Variants in PALS1 observed in about 807,000 individuals in gnomAD.
The protein encoded by PALS1 is protein associated with LIN7 1, MAGUK p55 family member.
In PALS1, 31 loss-of-function variants were observed where a neutral mutation model predicts 78.9. That is an observed-to-expected ratio of 0.39 (90% CI 0.30 to 0.53). The LOEUF (loss-of-function observed/expected upper bound fraction) is 0.53, where lower values mean the gene tolerates loss of function less well. Among genes scored for constraint, PALS1 ranks in the 20% least tolerant of loss-of-function variants. The pLI is 0.67. For missense variants in PALS1, 704 were observed against 826.5 expected, an observed-to-expected ratio of 0.85 and a Z score of 1.82; for synonymous variants, 276 against 270.9, an observed-to-expected ratio of 1.02 and a Z score of -0.18.
intron 4 of PALS1, 45 bp from the exon 5 acceptor site, chr14:67,301,344 A>T: frequency 7.5e-7 from 1 of 1,329,172 alleles, no homozygotes; most frequent in Non-Finnish European, 1.1e-6. Flanking sequence ...TGCTACTGAT[A>T]CTTCCTATAA....
chr14:67,317,521 GGAGTCTAAACCTA>G, intron 11 of PALS1, 42 bp downstream of exon 11: 1 of 1,428,744 alleles, frequency 7.0e-7, no homozygotes, highest in Non-Finnish European at 9.8e-7. Flanking sequence ...ATATCTGAAA[GGAGTCTAAACCTA>G]GTCCTGTTTT....
chr14:67,264,467 T>C (rs1032034799), intron 1 of PALS1, among the ~76,000 whole-genome samples: 8 of 152,200 alleles, frequency 5.3e-5, no homozygotes, highest in African/African-American at 1.7e-4. Flanking sequence ...TTGTGTTATT[T>C]TTTCATGTGT....
intron 9 of PALS1, among the ~76,000 whole-genome samples, chr14:67,316,285 A>G (rs1050296163): frequency 1.3e-5 from 2 of 152,154 alleles, no homozygotes; most frequent in Non-Finnish European, 2.9e-5. Flanking sequence ...CACGTTTTCC[A>G]TTTATATAAT....
At chr14:67,285,832 A>C (rs1484863879) in intron 3 of PALS1, among the ~76,000 whole-genome samples, 2 of 152,136 alleles carry the variant, frequency 1.3e-5, no homozygotes, top group African/African-American at 4.8e-5. Flanking sequence ...GACTGACAGG[A>C]GAGGGCAAGG....
chr14:67,308,700 C>T (rs138540488), intron 8 of PALS1, among the ~76,000 whole-genome samples: 12 of 152,060 alleles, frequency 7.9e-5, no homozygotes, highest in South Asian at 6.2e-4. Context: ...TACCCTGTAC[C>T]GTGTACAAGT....
At chr14:67,275,795 C>T (rs772280792) in intron 2 of PALS1, among the ~76,000 whole-genome samples, 1 of 152,060 alleles carries the variant, frequency 6.6e-6, no homozygotes, top group Non-Finnish European at 1.5e-5. Context: ...GCCTCAATTT[C>T]AGAGCTATTA....
At position 67,334,413 on chromosome 14, in the gene PALS1, T is replaced by A. The variant is rs532635018; in HGVS notation, c.*1457T>A. Reference sequence around the variant, plus strand: ...CTTGATTTTATTTTTATGGTGACTTTAGCTACAGCATTTCCTATACCCAGA... The same window carrying A: ...CTTGATTTTATTTTTATGGTGACTTAAGCTACAGCATTTCCTATACCCAGA... On this transcript the variant is annotated 3_prime_UTR_variant, in exon 15 of 15. Transcript: ENST00000261681. The A allele has an allele frequency of 6.5e-6, 1 of 152,790 alleles. No homozygotes were observed. The highest frequency in any genetic ancestry group is 1.5e-5 in the Non-Finnish European group (1 of 68,030). The allele number at this position is 152,790 out of a possible 1,614,324, so 9.5% of individuals were successfully genotyped here. A position where few individuals can be genotyped will look rare whatever the true frequency, so the allele number is the denominator to read the frequency against.
chr14:67,311,201 C>T (rs1049820948), intron 8 of PALS1, among the ~76,000 whole-genome samples: 5 of 151,378 alleles, frequency 3.3e-5, no homozygotes, highest in Admixed American at 2.6e-4. Context: ...ATCCCAGCTA[C>T]TCGGGAGGCT....
intron 4 of PALS1, among the ~76,000 whole-genome samples, chr14:67,298,039 A>G (rs2084882697): frequency 6.6e-6 from 1 of 152,138 alleles, no homozygotes; most frequent in Admixed American, 6.5e-5. Flanking sequence ...AAGCAGTTTA[A>G]TGCTGAATCA....
chr14:67,323,674 T>C (rs1013702901), intron 13 of PALS1, 28 bp from the exon 14 acceptor site: 2 of 1,031,418 alleles, frequency 1.9e-6, no homozygotes, highest in Non-Finnish European at 2.8e-6. Flanking sequence ...ATGCAAATTA[T>C]TTTAAAAATC....
chr14:67,250,832 CTTAAAA>C (rs1186812405), intron 1 of PALS1, among the ~76,000 whole-genome samples: 1 of 152,206 alleles, frequency 6.6e-6, no homozygotes, highest in Non-Finnish European at 1.5e-5. Context: ...TCCTTTTATA[CTTAAAA>C]TTTATAGCAA....
At chr14:67,248,404 A>G (rs72717362) in intron 1 of PALS1, among the ~76,000 whole-genome samples, 4,622 of 152,270 alleles carry the variant, frequency 0.03, 87 homozygotes, top group Non-Finnish European at 0.036. Flanking sequence ...AAAATACTTA[A>G]TGAAGTCAGT....
rs1042520307 is a variant in PALS1 at position 67,245,111 on chromosome 14, G to A, written c.-237+3578G>A. Among the ~76,000 whole-genome samples the A allele has an allele frequency of 2.0e-5, 3 of 152,188 alleles. No homozygotes were observed. In the East Asian group the frequency reaches 5.8e-4, roughly 29 times the overall value. The stretch of plus-strand genomic sequence containing the variant: ...GAAAGCAGCCCTGCCAGTAATTTTA[G>A]CCAAGGGAGACATATGCCAGATTTC... On this transcript the variant is annotated intron_variant, in intron 1 of 14. Coordinates refer to ENST00000261681, the MANE Select transcript of PALS1 (RefSeq NM_022474.4).
chr14:67,275,109 A>C (rs985147183), intron 2 of PALS1, among the ~76,000 whole-genome samples: 1 of 152,126 alleles, frequency 6.6e-6, no homozygotes, highest in East Asian at 1.9e-4. Context: ...AATACCCTTT[A>C]TTTCTTTCTC....
At chr14:67,283,020 GT>G (rs1340381148) in intron 3 of PALS1, among the ~76,000 whole-genome samples, 1 of 152,032 alleles carries the variant, frequency 6.6e-6, no homozygotes, top group Non-Finnish European at 1.5e-5. Context: ...CTATAAAATT[GT>G]TGTCTTTGAA....
At chr14:67,272,059 CA>C (rs35689121) in intron 2 of PALS1, 1,799 of 109,400 alleles carry the variant, frequency 0.016, 28 homozygotes, top group African/African-American at 0.043. Context: ...GACAGAGTCT[CA>C]AAAAAAAAAA....
rs1053785103 is a variant in PALS1, at chr14:67,328,089, G to A, written c.1851+4277G>A. ...TTCCACAATGGTTGAACTAGTTTAC[G>A]GTCCCACCAACAGTGTAAAAGTGTT... On this transcript the variant is annotated intron_variant, in intron 14 of 14. Coordinates refer to ENST00000261681, the MANE Select transcript of PALS1 (RefSeq NM_022474.4). 4.1e-4 allele frequency among the ~76,000 whole-genome samples: 63 copies of A among 152,140 alleles called. 1 individual carries two copies. Among genetic ancestry groups the A allele is most frequent in the South Asian group, 2.1e-3 (10 of 4,814 alleles).
intron 3 of PALS1, among the ~76,000 whole-genome samples, chr14:67,288,001 G>A (rs1657134712): frequency 6.6e-6 from 1 of 152,108 alleles, no homozygotes; most frequent in Admixed American, 6.5e-5. Context: ...GGCTGTCTAT[G>A]GCTGCTTGTT....
chr14:67,245,177 C>T (rs2083969437), intron 1 of PALS1, among the ~76,000 whole-genome samples: 1 of 152,170 alleles, frequency 6.6e-6, no homozygotes, highest in Admixed American at 6.5e-5. Flanking sequence ...TGTTTTAAGC[C>T]ACTAAATTTG....
Sources: gnomAD v4.1 joint callset for allele counts (sites outside exome capture counted in the v4.1 genomes callset) on GRCh38, gnomAD v4.1.1 for gene constraint, MANE v1.5 for transcripts, NCBI Gene and HGNC (gene_info 2026-07-23, HGNC 2026-07-21) for gene names.